FHIT: variants seen among roughly 807,000 people sequenced by gnomAD.
The protein encoded by FHIT is bis(5'-adenosyl)-triphosphatase.
FHIT carries 19 observed loss-of-function variants against 17.9 expected under a neutral mutation model. That is an observed-to-expected ratio of 1.06 (90% CI 0.74 to 1.56). The LOEUF (loss-of-function observed/expected upper bound fraction) is 1.56. FHIT is among the 40% of genes most tolerant of loss of function. FHIT has a pLI of 0.00. For synonymous variants in FHIT, 81 were observed against 69.7 expected (o/e 1.16, Z -0.81); for missense variants, 248 against 189.2 (o/e 1.31, Z -1.82).
At chr3:60,460,777 A>T (rs2032412543) in intron 5 of FHIT, among the ~76,000 whole-genome samples, 1 of 152,188 alleles carries the variant, frequency 6.6e-6, no homozygotes, top group Non-Finnish European at 1.5e-5. Flanking sequence ...TCCAATAGTC[A>T]CTCTAAAATA....
intron 5 of FHIT, among the ~76,000 whole-genome samples, chr3:60,026,684 A>G (rs950392109): frequency 6.6e-6 from 1 of 152,202 alleles, no homozygotes; most frequent in African/African-American, 2.4e-5. Flanking sequence ...AAAACAAACA[A>G]TGGAAAAATA....
intron 2 of FHIT, among the ~76,000 whole-genome samples, chr3:61,143,406 G>A (rs766750459): frequency 6.6e-5 from 10 of 152,070 alleles, no homozygotes; most frequent in East Asian, 1.9e-4. Flanking sequence ...TTTGTGTTAC[G>A]TGATTGTTTT....
Position 60,558,673 on chromosome 3 carries a change from G to C in FHIT, c.-17-21694C>G, listed in dbSNP as rs560918080. ...TCACTGCCTGGGGTCTTCTATACCA[G>C]GAAGGGCCCAGGCCTAGCACTCATG... is the stretch of plus-strand genomic sequence containing the variant. On this transcript the variant is annotated intron_variant, in intron 4 of 9. Transcript: ENST00000492590. Among the ~76,000 whole-genome samples, 12 of 152,256 alleles carry C rather than the reference G, an allele frequency of 7.9e-5. No individual in the cohort carries two copies. The South Asian group carries it at 2.5e-3, about 32-fold the overall frequency.
intron 5 of FHIT, among the ~76,000 whole-genome samples, chr3:60,291,345 G>C (rs143808523): frequency 6.6e-6 from 1 of 152,126 alleles, no homozygotes; most frequent in African/African-American, 2.4e-5. Context: ...TTTGCCATTT[G>C]CATAGGATGC....
chr3:60,164,617 AAAAAT>A (rs1185393714), intron 5 of FHIT, among the ~76,000 whole-genome samples: 4 of 152,096 alleles, frequency 2.6e-5, no homozygotes, highest in Admixed American at 1.3e-4. Flanking sequence ...GTCAAAAAAA[AAAAAT>A]AAAAGAGGTG....
chr3:60,991,343 G>T (rs1289043093), intron 3 of FHIT, among the ~76,000 whole-genome samples: 2 of 152,224 alleles, frequency 1.3e-5, no homozygotes, highest in Non-Finnish European at 2.9e-5. Flanking sequence ...GTGGGGGCAG[G>T]AGCAGATCAG....
chr3:60,858,108 G>A (rs1703461849), intron 3 of FHIT, among the ~76,000 whole-genome samples: 1 of 152,148 alleles, frequency 6.6e-6, no homozygotes, highest in South Asian at 2.1e-4. Flanking sequence ...CCAGCCCAGT[G>A]CCTAGCACAG....
chr3:61,030,325 A>G (rs865998596), intron 3 of FHIT, among the ~76,000 whole-genome samples: 4 of 152,218 alleles, frequency 2.6e-5, no homozygotes, highest in African/African-American at 4.8e-5. Flanking sequence ...ATTAGAAGCA[A>G]TGCTCTAAAG....
intron 5 of FHIT, among the ~76,000 whole-genome samples, chr3:60,326,098 C>G (rs1314319867): frequency 2.0e-5 from 3 of 151,960 alleles, no homozygotes; most frequent in African/African-American, 7.2e-5. Flanking sequence ...CTTTCTGGTA[C>G]CAGAAACTGG....
chr3:60,065,351 G>T (rs1037620178), intron 5 of FHIT, among the ~76,000 whole-genome samples: 4 of 152,024 alleles, frequency 2.6e-5, no homozygotes, highest in African/African-American at 9.7e-5. Flanking sequence ...TCACCGAGAG[G>T]CTTAACCTGC....
chr3:60,730,102 A>G, intron 4 of FHIT: 1 of 514,450 alleles, frequency 1.9e-6, no homozygotes. Flanking sequence ...GATGTGTCCC[A>G]ATGTCATGGC....
intron 4 of FHIT, among the ~76,000 whole-genome samples, chr3:60,797,511 C>G (rs1056337270): frequency 7.0e-6 from 1 of 143,122 alleles, no homozygotes; most frequent in Non-Finnish European, 1.6e-5. Flanking sequence ...TGCTGAATAC[C>G]GTATCTATTT....
intron 4 of FHIT, among the ~76,000 whole-genome samples, chr3:60,585,283 T>C (rs1262531743): frequency 6.6e-6 from 1 of 152,000 alleles, no homozygotes; most frequent in Non-Finnish European, 1.5e-5. Flanking sequence ...CATTCATGCG[T>C]AATCAGAGAT....
Position 59,991,772 on chromosome 3 carries a change from C to T in FHIT, c.279+19599G>A, listed in dbSNP as rs552518789. 6.4e-4 allele frequency among the ~76,000 whole-genome samples: 97 copies of T among 152,080 alleles called. 1 individual carries two copies. Among genetic ancestry groups the T allele is most frequent in the African/African-American group, 2.3e-3 (95 of 41,504 alleles). ...TGATCCTCTTCACACAGCCATATGT[C>T]GGCCAAGATGCTCAACTCACTACTG... On this transcript the variant is annotated intron_variant, in intron 7 of 9. Transcript: ENST00000492590.
intron 4 of FHIT, among the ~76,000 whole-genome samples, chr3:60,652,966 T>G (rs114020642): frequency 0.012 from 1,623 of 135,848 alleles, 34 homozygotes; most frequent in African/African-American, 0.042. Flanking sequence ...AACCTTACTC[T>G]AGCACATTGC....
rs899554989 is a variant in FHIT at position 60,161,985 on chromosome 3, C to T, written c.104-147833G>A. Among the ~76,000 whole-genome samples, 8 of 152,136 alleles carry T rather than the reference C, an allele frequency of 5.3e-5. No individual in the cohort carries two copies. The South Asian group carries it at 8.3e-4, about 16-fold the overall frequency. On this transcript the variant is annotated intron_variant, in intron 5 of 9. Transcript: ENST00000492590. The stretch of plus-strand genomic sequence containing the variant: ...TGCTAACAGCAAGAAGAAGGTAAAC[C>T]GGACGTTGGAAAGAATTTTCAACAG...
intron 7 of FHIT, among the ~76,000 whole-genome samples, chr3:59,992,607 C>T (rs182225988): frequency 3.9e-5 from 6 of 152,166 alleles, no homozygotes; most frequent in East Asian, 1.9e-4. Flanking sequence ...TCTTTGAATT[C>T]GGAGTACCTG....
intron 2 of FHIT, among the ~76,000 whole-genome samples, chr3:61,101,562 G>A (rs2035829898): frequency 6.6e-6 from 1 of 151,738 alleles, no homozygotes; most frequent in Non-Finnish European, 1.5e-5. Flanking sequence ...GGTTCCATAT[G>A]AACTTTAGTT....
chr3:60,711,565 C>G (rs1553705138), intron 4 of FHIT, among the ~76,000 whole-genome samples: 1 of 152,106 alleles, frequency 6.6e-6, no homozygotes, highest in African/African-American at 2.4e-5. Flanking sequence ...ATAACCAATA[C>G]AGAGAAGTGC....
Sources: gnomAD v4.1 joint callset for allele counts (sites outside exome capture counted in the v4.1 genomes callset) on GRCh38, gnomAD v4.1.1 for gene constraint, MANE v1.5 for transcripts, NCBI Gene and HGNC (gene_info 2026-07-23, HGNC 2026-07-21) for gene names.